FMN2: variants seen among roughly 807,000 people sequenced by gnomAD.
FMN2 encodes the protein formin-2.
In FMN2, 51 loss-of-function variants were observed where a neutral mutation model predicts 142.3. The ratio of observed to expected loss-of-function variants is 0.36; its 90% CI spans 0.29 to 0.45. The LOEUF (loss-of-function observed/expected upper bound fraction) is 0.45. Ranked by LOEUF, FMN2 falls within the 20% of genes least tolerant of loss-of-function variation. The pLI, the probability that FMN2 is intolerant of heterozygous loss-of-function variation, is 1.00. For synonymous variants in FMN2, 882 were observed against 869.8 expected (o/e 1.01, Z -0.25); for missense variants, 1,936 against 2,122.8 (o/e 0.91, Z 1.73).
intron 7 of FMN2, among the ~76,000 whole-genome samples, chr1:240,287,658 T>C (rs944283993): frequency 2.6e-5 from 4 of 152,208 alleles, no homozygotes; most frequent in African/African-American, 7.2e-5. Flanking sequence ...CAATCTAAGA[T>C]ACTGATTTGG....
chr1:240,380,319 A>G (rs1673182567), intron 14 of FMN2, among the ~76,000 whole-genome samples: 2 of 152,198 alleles, frequency 1.3e-5, no homozygotes. Flanking sequence ...GAAAATCAAT[A>G]CCAAGAGGAA....
intron 6 of FMN2, among the ~76,000 whole-genome samples, chr1:240,232,527 C>G (rs544858697): frequency 6.7e-4 from 102 of 152,312 alleles, no homozygotes; most frequent in African/African-American, 2.4e-3. Context: ...ATACATCCCT[C>G]TTAACTACAC....
At chr1:240,166,707 T>A (rs1259476341) in intron 2 of FMN2, among the ~76,000 whole-genome samples, 2 of 152,224 alleles carry the variant, frequency 1.3e-5, no homozygotes, top group Non-Finnish European at 2.9e-5. Flanking sequence ...TCTACTTTTT[T>A]TCTTTTGTAA....
chr1:240,424,539 AG>A, intron 15 of FMN2, among the ~76,000 whole-genome samples: 1 of 152,226 alleles, frequency 6.6e-6, no homozygotes, highest in African/African-American at 2.4e-5. Context: ...CTCTGTATGA[AG>A]AATAGATTCC....
intron 16 of FMN2, among the ~76,000 whole-genome samples, chr1:240,449,240 ACACTT>A (rs1434040637): frequency 6.6e-6 from 1 of 151,872 alleles, no homozygotes; most frequent in Non-Finnish European, 1.5e-5. Flanking sequence ...TGTTTAATGA[ACACTT>A]CACCCTCTCT....
At chr1:240,381,531 G>A (rs191118826) in intron 14 of FMN2, among the ~76,000 whole-genome samples, 2 of 152,232 alleles carry the variant, frequency 1.3e-5, no homozygotes, top group South Asian at 2.1e-4. Context: ...ACAGGTTCAA[G>A]CGGTTCTCCT....
intron 13 of FMN2, among the ~76,000 whole-genome samples, chr1:240,338,182 T>A (rs1359338113): frequency 1.3e-5 from 2 of 152,188 alleles, no homozygotes; most frequent in Non-Finnish European, 2.9e-5. Flanking sequence ...TCACACACTC[T>A]CTCTCTTTTC....
At chr1:240,320,019 C>CATCTAGGAATCTGA (rs1558431043) in intron 8 of FMN2, among the ~76,000 whole-genome samples, 1 of 152,126 alleles carries the variant, frequency 6.6e-6, no homozygotes, top group Non-Finnish European at 1.5e-5. Context: ...TCTGCGATGA[C>CATCTAGGAATCTGA]ATCTAGGAAT....
At chr1:240,219,865 C>T (rs1291912363) in intron 6 of FMN2, among the ~76,000 whole-genome samples, 1 of 151,968 alleles carries the variant, frequency 6.6e-6, no homozygotes, top group Non-Finnish European at 1.5e-5. Flanking sequence ...CGCCATGTTG[C>T]CCATGCTGGT....
rs551955310 is a variant in FMN2 at position 240,220,949 on chromosome 1, T to C, written c.4065+9714T>C. On this transcript the variant is annotated intron_variant, in intron 6 of 17. Transcript: ENST00000319653. ...GTTCTCATTGTTCAACTCTCACTTA[T>C]GAGTGAGAACATGCAGTATTTGGTT... 5.9e-5 allele frequency among the ~76,000 whole-genome samples: 9 copies of C among 152,234 alleles called. No individual in the cohort carries two copies. The East Asian group carries it at 7.8e-4, about 13-fold the overall frequency.
At chr1:240,145,208 A>G in intron 2 of FMN2, 1 of 1,429,484 alleles carries the variant, frequency 7.0e-7, no homozygotes, top group Non-Finnish European at 9.8e-7. Context: ...AAGCATCTCC[A>G]GTTCATCTTG....
At chr1:240,113,982 T>G (rs1558301824) in intron 1 of FMN2, among the ~76,000 whole-genome samples, 2 of 152,226 alleles carry the variant, frequency 1.3e-5, no homozygotes, top group Admixed American at 6.5e-5. Context: ...TTTTTAATAG[T>G]GTGATTTAAG....
rs781656437 is a variant in FMN2 at position 240,092,799 on chromosome 1, G to A, written c.690G>A (p.Glu230=). 2.5e-6 allele frequency: 4 copies of A among 1,589,584 alleles called. No individual in the cohort carries two copies. The East Asian group carries it at 6.8e-5, about 27-fold the overall frequency. Residue 230 remains glutamate (E), a synonymous_variant, in exon 1 of 18, where the codon GAG becomes GAA. Transcript: ENST00000319653. ...QQQQQQLQGA[E]EPAAPPTAVS... is the part of the protein sequence containing the mutation. ...AGCAGCAGCAGCTCCAGGGCGCCGA[G>A]GAGCCTGCAGCGCCCCCCACTGCCG...
Position 240,292,827 on chromosome 1 carries a change from A to G in FMN2, c.4154-1995A>G, listed in dbSNP as rs576320689. Among the ~76,000 whole-genome samples the G allele has an allele frequency of 5.9e-5, 9 of 152,222 alleles. No homozygotes were observed. The South Asian group carries it at 1.9e-3, about 32-fold the overall frequency. Reference sequence around the variant, plus strand: ...GTCTAGAATTTCTATCACTGCATCCATTCATCTGTCAGTATTTAATCTTTC... The same window carrying G: ...GTCTAGAATTTCTATCACTGCATCCGTTCATCTGTCAGTATTTAATCTTTC... On this transcript the variant is annotated intron_variant, in intron 7 of 17. Coordinates refer to ENST00000319653, the MANE Select transcript of FMN2 (RefSeq NM_020066.5).
intron 7 of FMN2, among the ~76,000 whole-genome samples, chr1:240,274,450 G>A (rs1044468385): frequency 3.3e-5 from 5 of 152,110 alleles, no homozygotes; most frequent in Admixed American, 2.6e-4. Flanking sequence ...CACTCAGCGG[G>A]GAGAGAATTG....
At chr1:240,219,207 C>T (rs913808802) in intron 6 of FMN2, among the ~76,000 whole-genome samples, 4 of 152,122 alleles carry the variant, frequency 2.6e-5, no homozygotes, top group Admixed American at 1.3e-4. Flanking sequence ...TCTACCCAGC[C>T]TCGGGTTTGT....
chr1:240,445,086 C>T (rs559271165), intron 16 of FMN2, among the ~76,000 whole-genome samples: 2 of 152,270 alleles, frequency 1.3e-5, no homozygotes, highest in Non-Finnish European at 2.9e-5. Flanking sequence ...AAAGGTTTGG[C>T]AGAAGAGTCG....
intron 7 of FMN2, among the ~76,000 whole-genome samples, chr1:240,259,608 T>C (rs941183864): frequency 1.3e-5 from 2 of 151,704 alleles, no homozygotes; most frequent in African/African-American, 4.8e-5. Flanking sequence ...GATTTACATG[T>C]GTGAATCGCT....
In FMN2 at chr1:240,395,405, A is replaced by AG. The variant is rs1673741866; in HGVS notation, c.4910+2843_4910+2844insG. 2.0e-5 allele frequency among the ~76,000 whole-genome samples: 3 copies of AG among 152,198 alleles called. No individual in the cohort carries two copies. The South Asian group carries it at 6.2e-4, about 31-fold the overall frequency. ...GACTTTCAAGTCTTATTAGTTAAGA[A>AG]ATACATTTGGTAAGGCTATAGCTGC... On this transcript the variant is annotated intron_variant, in intron 15 of 17. Transcript: ENST00000319653.
Sources: allele counts gnomAD v4.1 joint callset (sites outside exome capture counted in the v4.1 genomes callset), GRCh38; gene constraint gnomAD v4.1.1; transcripts MANE v1.5; gene names NCBI Gene and HGNC (gene_info 2026-07-23, HGNC 2026-07-21).